POC5: variants seen among roughly 807,000 people sequenced by gnomAD.
POC5 encodes POC5 centriolar protein.
In POC5, 48 loss-of-function variants were observed where a neutral mutation model predicts 62.9. The observed-to-expected ratio is 0.76, with a 90% confidence interval of 0.61 to 0.97. The LOEUF (loss-of-function observed/expected upper bound fraction) is 0.97. Ranked by LOEUF, POC5 falls within the 50% of genes least tolerant of loss-of-function variation. The pLI, the probability that POC5 is intolerant of heterozygous loss-of-function variation, is 0.00. For missense variants in POC5, 696 were observed against 679.5 expected (o/e 1.02, Z -0.27); for synonymous variants, 236 against 228.2 (o/e 1.03, Z -0.31).
intron 6 of POC5, among the ~76,000 whole-genome samples, chr5:75,693,498 T>C (rs768096028): frequency 3.3e-5 from 5 of 152,154 alleles, no homozygotes; most frequent in Non-Finnish European, 7.4e-5. Flanking sequence ...TTACTCATTC[T>C]CATAAACTGA....
At chr5:75,703,084 C>T (rs987519594) in intron 4 of POC5, among the ~76,000 whole-genome samples, 2 of 152,154 alleles carry the variant, frequency 1.3e-5, no homozygotes, top group Non-Finnish European at 2.9e-5. Context: ...ATATCCAGGT[C>T]CAGCCTGAGG....
chr5:75,699,991 C>G (rs1292527021), intron 5 of POC5, among the ~76,000 whole-genome samples: 2 of 151,804 alleles, frequency 1.3e-5, no homozygotes, highest in Admixed American at 6.6e-5. Context: ...GAATAAAATA[C>G]CTAGGAATCC....
rs553618502 is a variant in POC5, at chr5:75,703,170, T to C, written c.308-360A>G. On this transcript the variant is annotated intron_variant, in intron 4 of 11. Transcript: ENST00000428202. ...TTCTGTAATAAAAACATTATAAAGA[T>C]TAGTTCTCATAACACATGCTACCCT... 1.5e-4 allele frequency among the ~76,000 whole-genome samples: 23 copies of C among 152,318 alleles called. No homozygotes were observed. In the South Asian group the frequency reaches 4.8e-3, roughly 32 times the overall value.
chr5:75,696,650 C>A (rs1320756937), intron 5 of POC5, among the ~76,000 whole-genome samples: 1 of 152,142 alleles, frequency 6.6e-6, no homozygotes, highest in Non-Finnish European at 1.5e-5. Flanking sequence ...AAAAGCAGAG[C>A]GACTCTCCTC....
At chr5:75,676,747 AG>A (rs1403325992) in intron 11 of POC5, among the ~76,000 whole-genome samples, 2 of 151,960 alleles carry the variant, frequency 1.3e-5, no homozygotes, top group African/African-American at 4.8e-5. Flanking sequence ...GTTTGAACCC[AG>A]GGGGCGGAGA....
chr5:75,712,823 A>T (rs1561484832), intron 2 of POC5, 31 bp downstream of exon 2: 2 of 1,484,756 alleles, frequency 1.3e-6, no homozygotes, highest in East Asian at 2.3e-5. Flanking sequence ...AAATAAAAAA[A>T]GTCATGGTAA....
intron 7 of POC5, among the ~76,000 whole-genome samples, chr5:75,691,286 G>A (rs1244503812): frequency 6.6e-6 from 1 of 151,904 alleles, no homozygotes; most frequent in Non-Finnish European, 1.5e-5. Context: ...TAATCTACTG[G>A]GATTAATTAA....
Position 75,694,813 on chromosome 5 carries a change from G to C in POC5, c.532C>G (p.Leu178Val), listed in dbSNP as rs1336982127. The change falls in exon 6 of 12, where the codon CTA (leucine) becomes GTA (valine). Residue 178 changes from leucine to valine, a missense_variant. Leu to Val is a conservative substitution (Grantham distance 32). Transcript: ENST00000428202. ...SGLKTNIISELSKWRLNFIDW... is the reference protein window; with the variant it reads ...SGLKTNIISEVSKWRLNFIDW... ...ATAAAATTAAGTCTCCATTTACTTA[G>C]TTCAGATATGATGTTTGTCTGAAAA... 1.2e-5 allele frequency: 19 copies of C among 1,541,110 alleles called. No homozygotes were observed. Among genetic ancestry groups the C allele is most frequent in the Non-Finnish European group, 1.6e-5 (18 of 1,130,166 alleles).
At chr5:75,700,682 C>G (rs1300437992) in intron 5 of POC5, among the ~76,000 whole-genome samples, 2 of 148,302 alleles carry the variant, frequency 1.3e-5, no homozygotes. Context: ...GTCTAAAACA[C>G]CAAAAGCAAT....
At chr5:75,714,499 G>C (rs1468458419) in intron 1 of POC5, among the ~76,000 whole-genome samples, 1 of 152,216 alleles carries the variant, frequency 6.6e-6, no homozygotes, top group East Asian at 1.9e-4. Context: ...GCAATGGGAA[G>C]GGGATGGAGG....
At chr5:75,679,274 C>A (rs1000554399) in intron 10 of POC5, among the ~76,000 whole-genome samples, 64 of 152,080 alleles carry the variant, frequency 4.2e-4, no homozygotes, top group Admixed American at 1.3e-4. Context: ...TTTGGCTTAG[C>A]TTATTAAAAC....
At chr5:75,711,145 A>C (rs1229313520) in intron 2 of POC5, among the ~76,000 whole-genome samples, 7 of 152,252 alleles carry the variant, frequency 4.6e-5, no homozygotes, top group African/African-American at 1.7e-4. Flanking sequence ...AGTTTCATAT[A>C]TGTAGACACA....
chr5:75,682,244 A>G (rs1019530260), intron 10 of POC5, among the ~76,000 whole-genome samples: 6 of 152,206 alleles, frequency 3.9e-5, no homozygotes, highest in African/African-American at 1.2e-4. Context: ...TGCTAAGCAA[A>G]CTCATTCATT....
At chr5:75,693,315 A>G (rs1052943427) in intron 6 of POC5, among the ~76,000 whole-genome samples, 2 of 151,914 alleles carry the variant, frequency 1.3e-5, no homozygotes, top group Admixed American at 1.3e-4. Flanking sequence ...AATAACTGAA[A>G]TAAATTTCTA....
At chr5:75,699,157 C>T (rs1393227184) in intron 5 of POC5, among the ~76,000 whole-genome samples, 1 of 152,156 alleles carries the variant, frequency 6.6e-6, no homozygotes, top group Non-Finnish European at 1.5e-5. Flanking sequence ...GAACTGGTAC[C>T]ATTCCTTCTG....
intron 1 of POC5, among the ~76,000 whole-genome samples, chr5:75,715,676 C>T (rs927485290): frequency 6.6e-6 from 1 of 152,082 alleles, no homozygotes; most frequent in African/African-American, 2.4e-5. Context: ...GACTCGTATG[C>T]AATATTTTTA....
At chr5:75,703,917 A>G (rs1777010148) in intron 4 of POC5, among the ~76,000 whole-genome samples, 1 of 152,056 alleles carries the variant, frequency 6.6e-6, no homozygotes, top group Non-Finnish European at 1.5e-5. Flanking sequence ...GCACTTTGGG[A>G]GGCTGAAGTG....
chr5:75,714,850 T>C (rs1459123546), intron 1 of POC5, among the ~76,000 whole-genome samples: 4 of 152,126 alleles, frequency 2.6e-5, no homozygotes, highest in African/African-American at 9.7e-5. Flanking sequence ...AGTTAAGCAT[T>C]GTGGGAGCGC....
intron 4 of POC5, 38 bp downstream of exon 4, chr5:75,705,666 T>C (rs1415786579): frequency 3.2e-6 from 4 of 1,256,038 alleles, no homozygotes; most frequent in Non-Finnish European, 3.2e-6. Context: ...CCACAAAATG[T>C]TGTATATTAA....
Sources: allele counts gnomAD v4.1 joint callset (sites outside exome capture counted in the v4.1 genomes callset), GRCh38; gene constraint gnomAD v4.1.1; transcripts MANE v1.5; gene names NCBI Gene and HGNC (gene_info 2026-07-23, HGNC 2026-07-21).